The following EXOC4 variants were observed in gnomAD, a reference collection of about 807,000 sequenced individuals.
EXOC4 encodes SEC8-like 1.
In EXOC4, 71 loss-of-function variants were observed where a neutral mutation model predicts 107.2. The observed-to-expected ratio is 0.66, with a 90% confidence interval of 0.55 to 0.81. The LOEUF is 0.81. Among genes scored for constraint, EXOC4 ranks in the 30% least tolerant of loss-of-function variants. EXOC4 has a pLI of 0.00. For synonymous variants in EXOC4, 456 were observed against 441.2 expected (o/e 1.03, Z -0.42); for missense variants, 1,108 against 1,189.6 (o/e 0.93, Z 1.01).
intron 11 of EXOC4, among the ~76,000 whole-genome samples, chr7:133,886,423 G>A (rs1799088709): frequency 1.3e-5 from 2 of 152,114 alleles, no homozygotes; most frequent in South Asian, 4.1e-4. Context: ...TTTTTTAAGT[G>A]CAGAACCAAA....
chr7:133,405,531 A>T (rs1224760559), intron 7 of EXOC4, among the ~76,000 whole-genome samples: 2 of 152,150 alleles, frequency 1.3e-5, no homozygotes, highest in East Asian at 3.8e-4. Context: ...TTAAGGTGGT[A>T]TTTGGATTAT....
chr7:133,295,949 G>A (rs1794510201), intron 3 of EXOC4, among the ~76,000 whole-genome samples: 1 of 152,102 alleles, frequency 6.6e-6, no homozygotes, highest in African/African-American at 2.4e-5. Context: ...ACCTGAAAGT[G>A]GTTCAGTGAC....
chr7:133,749,939 C>T (rs1429067047), intron 10 of EXOC4, among the ~76,000 whole-genome samples: 1 of 142,258 alleles, frequency 7.0e-6, no homozygotes, highest in Non-Finnish European at 1.5e-5. Flanking sequence ...ATTGGGCTTC[C>T]TAAAGGTGGT....
chr7:133,613,553 G>A (rs1401371576), intron 9 of EXOC4, among the ~76,000 whole-genome samples: 3 of 151,866 alleles, frequency 2.0e-5, no homozygotes, highest in Admixed American at 6.6e-5. Context: ...ACAAAGCACC[G>A]TTAGTCACAG....
chr7:133,358,129 A>C lies in EXOC4; in HGVS notation c.1007+1556A>C, dbSNP rs1237994842. Among the ~76,000 whole-genome samples, 3 of 152,168 alleles carry C rather than the reference A, an allele frequency of 2.0e-5. No individual in the cohort carries two copies. The East Asian group carries it at 5.8e-4, about 29-fold the overall frequency. On this transcript the variant is annotated intron_variant, in intron 6 of 17. Coordinates refer to ENST00000253861, the MANE Select transcript of EXOC4 (RefSeq NM_021807.4). The stretch of plus-strand genomic sequence containing the variant: ...CTTGAACCGGGGAGGCGAAGGTTGC[A>C]GTGAGCCGAGCACACTACTGCACTC...
intron 11 of EXOC4, among the ~76,000 whole-genome samples, chr7:133,857,186 A>T (rs1271298728): frequency 1.8e-4 from 5 of 28,440 alleles, no homozygotes; most frequent in African/African-American, 6.0e-4. Context: ...ATATATATAT[A>T]TATATATATA....
intron 9 of EXOC4, among the ~76,000 whole-genome samples, chr7:133,491,558 T>C (rs371463480): frequency 6.6e-6 from 1 of 152,170 alleles, no homozygotes; most frequent in East Asian, 1.9e-4. Context: ...TTAATGCTGG[T>C]TAGTTCTTAG....
intron 11 of EXOC4, among the ~76,000 whole-genome samples, chr7:133,822,291 G>A (rs1279017331): frequency 6.6e-6 from 1 of 152,154 alleles, no homozygotes; most frequent in Admixed American, 6.5e-5. Flanking sequence ...TAAACATGAG[G>A]AGACAGACGG....
At chr7:133,371,216 A>G (rs866855858) in intron 6 of EXOC4, among the ~76,000 whole-genome samples, 2 of 152,258 alleles carry the variant, frequency 1.3e-5, no homozygotes, top group Middle Eastern at 3.4e-3. Flanking sequence ...ACTCAGAGCC[A>G]TAGCTGCTGT....
chr7:133,397,101 CTT>C (rs1002154599), intron 7 of EXOC4, among the ~76,000 whole-genome samples: 1 of 146,282 alleles, frequency 6.8e-6, no homozygotes, highest in Admixed American at 7.0e-5. Context: ...TCGATATCCT[CTT>C]GTTTGTTTTT....
chr7:133,974,222 G>A (rs1438405042), intron 14 of EXOC4, among the ~76,000 whole-genome samples: 1 of 152,144 alleles, frequency 6.6e-6, no homozygotes, highest in Non-Finnish European at 1.5e-5. Flanking sequence ...TACAGGAAAC[G>A]GGCATCAAAA....
intron 9 of EXOC4, among the ~76,000 whole-genome samples, chr7:133,609,289 A>T (rs144819737): frequency 1.3e-5 from 2 of 152,178 alleles, no homozygotes; most frequent in East Asian, 3.9e-4. Context: ...TTATGTGTGG[A>T]CTGTTTCCAT....
chr7:133,968,987 T>C (rs1177888351), intron 14 of EXOC4, among the ~76,000 whole-genome samples: 4 of 152,156 alleles, frequency 2.6e-5, no homozygotes, highest in Non-Finnish European at 2.9e-5. Context: ...CAGTCAAACT[T>C]AGGTTAGGAG....
chr7:133,769,395 A>G (rs1214213073), intron 10 of EXOC4, among the ~76,000 whole-genome samples: 1 of 151,892 alleles, frequency 6.6e-6, no homozygotes, highest in Non-Finnish European at 1.5e-5. Context: ...ACTAAAGTGG[A>G]AAGTTTCATT....
At chr7:133,538,882 A>AGG (rs1554469439) in intron 9 of EXOC4, among the ~76,000 whole-genome samples, 1 of 59,944 alleles carries the variant, frequency 1.7e-5, no homozygotes, top group South Asian at 6.3e-4. Flanking sequence ...AGAGAGAGAG[A>AGG]GGGAGGGAGG....
At chr7:134,005,839 A>G (rs1347844705) in intron 16 of EXOC4, among the ~76,000 whole-genome samples, 1 of 152,240 alleles carries the variant, frequency 6.6e-6, no homozygotes, top group Non-Finnish European at 1.5e-5. Flanking sequence ...GGATTGTGGC[A>G]AACTGACAAT....
At chr7:133,439,182 CTTTTTTTTTT>C (rs35280420) in intron 7 of EXOC4, among the ~76,000 whole-genome samples, 5 of 94,084 alleles carry the variant, frequency 5.3e-5, no homozygotes, top group South Asian at 8.0e-4. Context: ...TTCATCAGTT[CTTTTTTTTTT>C]TTTTTTTTTT....
intron 11 of EXOC4, among the ~76,000 whole-genome samples, chr7:133,858,284 C>A (rs1798461320): frequency 6.6e-6 from 1 of 152,062 alleles, no homozygotes; most frequent in African/African-American, 2.4e-5. Flanking sequence ...GAGAGGAGAC[C>A]CAAAGTGGGT....
At chr7:133,562,765 A>G (rs1400861369) in intron 9 of EXOC4, among the ~76,000 whole-genome samples, 2 of 152,206 alleles carry the variant, frequency 1.3e-5, no homozygotes, top group Non-Finnish European at 2.9e-5. Flanking sequence ...GGACCTTGTT[A>G]CTTACAAAAT....
Sources: allele counts gnomAD v4.1 joint callset (sites outside exome capture counted in the v4.1 genomes callset), GRCh38; gene constraint gnomAD v4.1.1; transcripts MANE v1.5; gene names NCBI Gene and HGNC (gene_info 2026-07-23, HGNC 2026-07-21).